Variants in PHGDH observed in about 807,000 individuals in gnomAD.
PHGDH encodes D-3-phosphoglycerate dehydrogenase.
PHGDH carries 50 observed loss-of-function variants against 52.6 expected under a neutral mutation model. The observed-to-expected ratio is 0.95, with a 90% CI of 0.76 to 1.20. The LOEUF (loss-of-function observed/expected upper bound fraction) is 1.20, where lower values mean the gene tolerates loss of function less well. PHGDH is among the 50% of genes most tolerant of loss of function. The pLI, the probability that PHGDH is intolerant of heterozygous loss-of-function variation, is 0.00. For synonymous variants in PHGDH, 271 were observed against 280.5 expected (o/e 0.97, Z 0.34); for missense variants, 630 against 684.6 (o/e 0.92, Z 0.89).
rs1650852644 is a variant in PHGDH at position 119,714,769 on chromosome 1, G to A, written c.138+2609G>A. 2.0e-5 allele frequency among the ~76,000 whole-genome samples: 3 copies of A among 152,230 alleles called. No individual in the cohort carries two copies. The East Asian group carries it at 5.8e-4, about 30-fold the overall frequency. Reference sequence around the variant, plus strand: ...TGTAGTCTCAGCTACTGGGGGATGGGGTGGAGGGCTGAGGCCCTGGTTGCT... The same window carrying A: ...TGTAGTCTCAGCTACTGGGGGATGGAGTGGAGGGCTGAGGCCCTGGTTGCT... On this transcript the variant is annotated intron_variant, in intron 1 of 11. Transcript: ENST00000641023.
At position 119,721,281 on chromosome 1, in the gene PHGDH, G is replaced by T. The variant is rs1485473700; in HGVS notation, c.250G>T (p.Asp84Tyr). Residue 84 changes from aspartate to tyrosine, a missense_variant, in exon 2 of 12, where the codon GAT becomes TAT. Coordinates refer to ENST00000641023, the MANE Select transcript of PHGDH (RefSeq NM_006623.4). ...GGCTGGCACAGGTGTGGACAATGTG[G>T]ATCTGGAGGCCGCAACAAGGAAGGG... ...GRAGTGVDNV[D>Y]LEAATRKGIL... 4 of 1,614,062 alleles carry T rather than the reference G, an allele frequency of 2.5e-6. No homozygotes were observed. The African/African-American group carries it at 4.0e-5, about 16-fold the overall frequency.
At position 119,712,136 on chromosome 1, in the gene PHGDH, A is replaced by G; in HGVS notation, c.114A>G (p.Lys38=). The G allele has an allele frequency of 6.2e-7, 1 of 1,614,142 alleles. No homozygotes were observed. Residue 38 remains lysine, a synonymous_variant, in exon 1 of 12, where the codon AAA becomes AAG. Coordinates refer to ENST00000641023, the MANE Select transcript of PHGDH (RefSeq NM_006623.4). ...LQVVEKQNLS[K]EELIAELQDC... ...TGGTGGAAAAGCAGAACCTTAGCAAAGAGGAGCTGATAGCGGAGCTGCAGG... is the reference window on the plus strand; with the variant it reads ...TGGTGGAAAAGCAGAACCTTAGCAAGGAGGAGCTGATAGCGGAGCTGCAGG...
chr1:119,732,144 T>A (rs920510087), intron 5 of PHGDH, among the ~76,000 whole-genome samples: 2 of 152,226 alleles, frequency 1.3e-5, no homozygotes, highest in Non-Finnish European at 2.9e-5. Flanking sequence ...CGGTGAGGGT[T>A]CTTCTTCAGA....
intron 1 of PHGDH, 109 bp downstream of exon 1, chr1:119,712,269 T>C: frequency 6.5e-6 from 5 of 763,806 alleles, no homozygotes; most frequent in Middle Eastern, 4.2e-4. Context: ...ATCAATTAGT[T>C]CCGGGGCCTC....
chr1:119,740,668 T>C, intron 9 of PHGDH, 150 bp downstream of exon 9: 2 of 642,108 alleles, frequency 3.1e-6, no homozygotes, highest in South Asian at 4.3e-5. Context: ...CCCTTACTAC[T>C]GGTGGGAGGG....
At chr1:119,742,447 A>G (rs753379826) in intron 10 of PHGDH, 5 of 450,262 alleles carry the variant, frequency 1.1e-5, no homozygotes, top group East Asian at 4.5e-5. Context: ...CCACTCCTGC[A>G]TGCCAGTCAT....
intron 1 of PHGDH, chr1:119,715,970 A>G (rs1227620299): frequency 1.3e-5 from 2 of 152,636 alleles, no homozygotes; most frequent in Admixed American, 6.5e-5. Flanking sequence ...AGTAGAGGAC[A>G]GGAGCAGACA....
rs1325358925 is a variant in PHGDH at position 119,741,861 on chromosome 1, G to A, written c.1173G>A (p.Val391=). ...EASKQADVNL[V]NAKLLVKEAG... ...CCAAGCAGGCGGATGTGAACTTGGT[G>A]AACGCTAAGCTGCTGGTGAAAGAGG... Residue 391 remains valine, a synonymous_variant, in exon 10 of 12, where the codon GTG becomes GTA. Transcript: ENST00000641023. 1 of 1,614,004 alleles carries A rather than the reference G, an allele frequency of 6.2e-7. No homozygotes were observed. The highest frequency in any genetic ancestry group is 1.7e-5 in the Admixed American group (1 of 60,028).
At chr1:119,726,960 T>G (rs775688686) in intron 4 of PHGDH, 44 bp from the exon 5 acceptor site, 2 of 1,605,748 alleles carry the variant, frequency 1.2e-6, no homozygotes, top group South Asian at 1.1e-5. Flanking sequence ...GGTCCACTCA[T>G]GTTGCTGACT....
Position 119,727,121 on chromosome 1 carries a change from C to G in PHGDH, c.510+19C>G. 1 of 1,440,266 alleles carries G rather than the reference C, an allele frequency of 6.9e-7. No homozygotes were observed. Among genetic ancestry groups the G allele is most frequent in the Non-Finnish European group, 9.8e-7 (1 of 1,020,962 alleles). 89.2% of individuals were successfully genotyped at this position (1,440,266 alleles called of 1,614,324 possible). On this transcript the variant is annotated intron_variant, in intron 5 of 11. Transcript: ENST00000641023. The stretch of plus-strand genomic sequence containing the variant: ...GATGAAGGTAAGATGTTGCTGGAAC[C>G]CTGTGATGTGGGACTTTCTGCAGCA...
chr1:119,720,850 C>T (rs961639058), intron 1 of PHGDH: 3 of 391,198 alleles, frequency 7.7e-6, no homozygotes, highest in Non-Finnish European at 1.5e-5. Flanking sequence ...ATCCAGGCTG[C>T]AGGCATCATG....
intron 3 of PHGDH, among the ~76,000 whole-genome samples, chr1:119,726,330 C>G (rs983026875): frequency 5.3e-5 from 8 of 152,060 alleles, no homozygotes; most frequent in Non-Finnish European, 8.8e-5. Flanking sequence ...CCCACCCACT[C>G]TAGGGTCCAG....
At position 119,740,506 on chromosome 1, in the gene PHGDH, G is replaced by A; in HGVS notation, c.1066G>A (p.Val356Met). Reference protein sequence around the residue: ...WAGSPKGTIQVITQGTSLKNA... With the variant: ...WAGSPKGTIQMITQGTSLKNA... ...TGGGTCCCCCAAAGGGACCATCCAG[G>A]TGATAACACAGGGTGAGCTGGGGAC... The change falls in exon 9 of 12, where the codon GTG becomes ATG. Residue 356 changes from valine to methionine, a missense_variant. Physicochemically the swap from Val to Met is conservative, Grantham distance 21. Coordinates refer to ENST00000641023, the MANE Select transcript of PHGDH (RefSeq NM_006623.4). 6.3e-7 allele frequency: 1 copy of A among 1,580,146 alleles called. No individual in the cohort carries two copies. Among genetic ancestry groups the A allele is most frequent in the Non-Finnish European group, 8.6e-7 (1 of 1,162,338 alleles).
chr1:119,735,578 C>T (rs2101199477), intron 7 of PHGDH, 135 bp downstream of exon 7: 5 of 970,322 alleles, frequency 5.2e-6, no homozygotes, highest in Non-Finnish European at 7.8e-6. Flanking sequence ...AAGGAGAAAA[C>T]TGTGTTGCCA....
chr1:119,735,313 C>T lies in PHGDH; in HGVS notation c.662C>T (p.Thr221Ile). Residue 221 changes from threonine to isoleucine, a missense_variant, in exon 7 of 12, where the codon ACC becomes ATC. Coordinates refer to ENST00000641023, the MANE Select transcript of PHGDH (RefSeq NM_006623.4). ...PSTTGLLNDN[T>I]FAQCKKGVRV... is the part of the protein sequence containing the mutation. ...CTTCCAGGCTTGCTGAATGACAACA[C>T]CTTTGCCCAGTGCAAGAAGGGGGTG... 6.2e-7 allele frequency: 1 copy of T among 1,614,210 alleles called. No individual in the cohort carries two copies. Among genetic ancestry groups the T allele is most frequent in the East Asian group, 2.2e-5 (1 of 44,870 alleles).
In PHGDH at chr1:119,726,866, G is replaced by A. The variant is rs146740411; in HGVS notation, c.372G>A (p.Ala124=). Residue 124 remains alanine (A), a synonymous_variant, in exon 4 of 12, where the codon GCG becomes GCA. Coordinates refer to ENST00000641023, the MANE Select transcript of PHGDH (RefSeq NM_006623.4). The part of the protein sequence containing the change: ...IMCLARQIPQ[A]TASMKDGKWE... ...ATCCTTGCAGGCAGATTCCCCAGGC[G>A]ACGGCTTCGATGAAGGACGGCAAAT... The A allele has an allele frequency of 3.6e-5, 58 of 1,613,966 alleles. No homozygotes were observed. The highest frequency in any genetic ancestry group is 4.4e-5 in the Non-Finnish European group (52 of 1,179,980).
At chr1:119,716,459 TCC>T (rs979740512) in intron 1 of PHGDH, among the ~76,000 whole-genome samples, 2 of 152,166 alleles carry the variant, frequency 1.3e-5, no homozygotes, top group Non-Finnish European at 2.9e-5. Flanking sequence ...CTGCATGCTC[TCC>T]AGCTAGTGTT....
rs587731325 is a variant in PHGDH, at chr1:119,743,909, C to T, written c.1471C>T (p.Arg491Trp). ...AGGCCTCCTGGCAGAGGCAGGCGTG[C>T]GGCTGCTGTCCTACCAGACTTCACT... ...MIGLLAEAGV[R>W]LLSYQTSLVS... The change falls in exon 12 of 12, where the codon CGG becomes TGG. Residue 491 changes from arginine to tryptophan, a missense_variant. Physicochemically the swap from Arg to Trp is moderately radical, Grantham distance 101 (BLOSUM62 -3). Coordinates refer to ENST00000641023, the MANE Select transcript of PHGDH (RefSeq NM_006623.4). 314 of 1,613,754 alleles carry T rather than the reference C, an allele frequency of 1.9e-4. No homozygotes were observed. The highest frequency in any genetic ancestry group is 4.8e-4 in the Admixed American group (29 of 60,028).
intron 5 of PHGDH, among the ~76,000 whole-genome samples, chr1:119,732,856 A>G (rs1651760090): frequency 6.6e-6 from 1 of 152,168 alleles, no homozygotes; most frequent in Non-Finnish European, 1.5e-5. Flanking sequence ...GCTCCTGAGC[A>G]TGGAGTAGAC....
Sources: gnomAD v4.1 joint callset for allele counts (sites outside exome capture counted in the v4.1 genomes callset) on GRCh38, gnomAD v4.1.1 for gene constraint, MANE v1.5 for transcripts, NCBI Gene and HGNC (gene_info 2026-07-23, HGNC 2026-07-21) for gene names.